Variants in SCARA3 observed in about 807,000 individuals in gnomAD.
The protein encoded by SCARA3 is cellular stress response gene protein.
In SCARA3, 39 loss-of-function variants were observed where a neutral mutation model predicts 47.0. That is an observed-to-expected ratio of 0.83 (90% CI 0.64 to 1.08). The LOEUF (loss-of-function observed/expected upper bound fraction) is 1.08, where lower values mean the gene tolerates loss of function less well. SCARA3 is among the 50% of genes least tolerant of loss of function. SCARA3 has a pLI of 0.00. For synonymous variants in SCARA3, 356 were observed against 334.1 expected (o/e 1.07, Z -0.71); for missense variants, 724 against 792.3 (o/e 0.91, Z 1.04).
At chr8:27,648,703 A>G (rs1261956741) in intron 1 of SCARA3, among the ~76,000 whole-genome samples, 3 of 152,190 alleles carry the variant, frequency 2.0e-5, no homozygotes. Flanking sequence ...CATTAAATAA[A>G]CTACAGACAT....
chr8:27,643,399 G>A (rs1489276433), intron 1 of SCARA3, among the ~76,000 whole-genome samples: 2 of 152,146 alleles, frequency 1.3e-5, no homozygotes, highest in African/African-American at 4.8e-5. Context: ...AAAGGGGCGA[G>A]TGCTGGAGGA....
At chr8:27,731,498 A>G in the SCARA3 span, among the ~76,000 whole-genome samples, 2 of 152,044 alleles carry the variant, frequency 1.3e-5, no homozygotes, top group Non-Finnish European at 2.9e-5. Flanking sequence ...AAATAAAAAA[A>G]TTAGCCAGGA....
chr8:27,677,224 C>A (rs1802291895), downstream of SCARA3, among the ~76,000 whole-genome samples: 1 of 152,212 alleles, frequency 6.6e-6, no homozygotes, highest in Non-Finnish European at 1.5e-5. Flanking sequence ...CTGTCCGGGG[C>A]CACTTTCCAA....
chr8:27,713,888 G>A, the SCARA3 span, among the ~76,000 whole-genome samples: 1 of 152,128 alleles, frequency 6.6e-6, no homozygotes, highest in South Asian at 2.1e-4. Flanking sequence ...CTGGAGGTAG[G>A]GCCTGGTGGG....
the SCARA3 span, among the ~76,000 whole-genome samples, chr8:27,711,014 C>G: frequency 1.7e-4 from 26 of 151,276 alleles, no homozygotes; most frequent in East Asian, 3.5e-3. Context: ...CCTCTGCCTC[C>G]CGGGTTCAAG....
intron 1 of SCARA3, among the ~76,000 whole-genome samples, chr8:27,635,008 G>C (rs1403681609): frequency 1.3e-5 from 2 of 152,132 alleles, no homozygotes; most frequent in Non-Finnish European, 2.9e-5. Flanking sequence ...CGCCATTTCG[G>C]GTGTCTTTCA....
chr8:27,679,201 ATACT>A (rs57559111), downstream of SCARA3, among the ~76,000 whole-genome samples: 19 of 150,862 alleles, frequency 1.3e-4, no homozygotes, highest in African/African-American at 4.1e-4. Context: ...ATACCACAAT[ATACT>A]TACTTACTTA....
At chr8:27,700,530 C>T in the SCARA3 span, among the ~76,000 whole-genome samples, 1 of 151,882 alleles carries the variant, frequency 6.6e-6, no homozygotes, top group Admixed American at 6.6e-5. Flanking sequence ...TCACTTGAAC[C>T]CAGGAGGTGG....
the SCARA3 span, among the ~76,000 whole-genome samples, chr8:27,733,115 T>C: frequency 6.6e-6 from 1 of 152,256 alleles, no homozygotes. Context: ...TCAATCCTCC[T>C]CCTGGAATTC....
In SCARA3 at chr8:27,651,523, G is replaced by A. The variant is rs537525785; in HGVS notation, c.122G>A (p.Arg41His). 103 of 1,612,694 alleles carry A rather than the reference G, an allele frequency of 6.4e-5. No homozygotes were observed. Among genetic ancestry groups the A allele is most frequent in the Non-Finnish European group, 7.7e-5 (91 of 1,179,974 alleles). The change falls in exon 3 of 6, where the codon CGC becomes CAC. Residue 41 changes from arginine (R) to histidine (H), a missense_variant. Arg to His is a conservative substitution (Grantham distance 29). Transcript: ENST00000301904. The stretch of plus-strand genomic sequence containing the variant: ...TCCCCCACAGGCCGGCCAGGGCCCC[G>A]CTGCAGCCGCTGCCAGAAGAACCTA... ...PCTQKGRPGPRCSRCQKNLSL... is the reference protein window; with the variant it reads ...PCTQKGRPGPHCSRCQKNLSL...
downstream of SCARA3, among the ~76,000 whole-genome samples, chr8:27,678,325 A>T (rs1802308777): frequency 6.6e-6 from 1 of 152,200 alleles, no homozygotes; most frequent in African/African-American, 2.4e-5. Context: ...GAAGACAGAG[A>T]TTACCAAGAG....
chr8:27,647,100 TAAC>T (rs1585277292), intron 1 of SCARA3, among the ~76,000 whole-genome samples: 1 of 151,678 alleles, frequency 6.6e-6, no homozygotes, highest in African/African-American at 2.4e-5. Flanking sequence ...AGCCAGGCAT[TAAC>T]AACCTCACAC....
At chr8:27,690,066 C>A in the SCARA3 span, among the ~76,000 whole-genome samples, 2 of 151,998 alleles carry the variant, frequency 1.3e-5, no homozygotes, top group East Asian at 3.9e-4. Context: ...ATTAGAGTAC[C>A]CAAGAGACTG....
rs970010731 is a variant in SCARA3 at position 27,658,770 on chromosome 8, T to C, written c.600T>C (p.Ala200=). Residue 200 remains alanine, a synonymous_variant, in exon 5 of 6, where the codon GCT becomes GCC. Coordinates refer to ENST00000301904, the MANE Select transcript of SCARA3 (RefSeq NM_016240.3). Reference sequence around the variant, plus strand: ...TGAGAGGCTGGCAGGCCACCACAGCTGGCCTGGACCTCTCTCTGAAGGACC... The same window carrying C: ...TGAGAGGCTGGCAGGCCACCACAGCCGGCCTGGACCTCTCTCTGAAGGACC... ...AQVRGWQATT[A]GLDLSLKDLT... 1.9e-6 allele frequency: 3 copies of C among 1,614,098 alleles called. No homozygotes were observed. The highest frequency in any genetic ancestry group is 2.5e-6 in the Non-Finnish European group (3 of 1,179,978).
chr8:27,672,183 C>G lies in SCARA3; in HGVS notation c.*832C>G. 1.0e-6 allele frequency: 1 copy of G among 985,466 alleles called. No individual in the cohort carries two copies. The highest frequency in any genetic ancestry group is 1.2e-6 in the Non-Finnish European group (1 of 829,954). 61.0% of individuals were successfully genotyped at this position (985,466 alleles called of 1,614,324 possible). ...GGGCCACGAGGCTGACATTCTCTGG[C>G]CTTGCACACAGTGCCCCCTGAGAAG... On this transcript the variant is annotated 3_prime_UTR_variant, in exon 6 of 6. Transcript: ENST00000301904.
chr8:27,711,073 C>T, the SCARA3 span, among the ~76,000 whole-genome samples: 1 of 152,078 alleles, frequency 6.6e-6, no homozygotes, highest in East Asian at 1.9e-4. Flanking sequence ...CAGGCATCTG[C>T]CACCACGCCC....
chr8:27,693,653 T>G, the SCARA3 span, among the ~76,000 whole-genome samples: 5 of 152,290 alleles, frequency 3.3e-5, no homozygotes, highest in East Asian at 9.7e-4. Flanking sequence ...GGGTTGGACA[T>G]GCCTCATTAT....
the SCARA3 span, among the ~76,000 whole-genome samples, chr8:27,694,707 G>A: frequency 6.6e-6 from 1 of 152,152 alleles, no homozygotes; most frequent in Non-Finnish European, 1.5e-5. Context: ...TGTACAGGTG[G>A]TTTATGACCT....
intron 3 of SCARA3, among the ~76,000 whole-genome samples, chr8:27,652,333 C>G (rs747131505): frequency 6.6e-6 from 1 of 152,200 alleles, no homozygotes; most frequent in Non-Finnish European, 1.5e-5. Flanking sequence ...AAACTTGTTA[C>G]AACAAATTTG....
Sources: gnomAD v4.1 joint callset for allele counts (sites outside exome capture counted in the v4.1 genomes callset) on GRCh38, gnomAD v4.1.1 for gene constraint, MANE v1.5 for transcripts, NCBI Gene and HGNC (gene_info 2026-07-23, HGNC 2026-07-21) for gene names.